Variants in SLC23A2 observed in about 807,000 individuals in gnomAD.
SLC23A2 encodes the protein solute carrier family 23 member 2.
SLC23A2 carries 36 observed loss-of-function variants against 73.3 expected under a neutral mutation model. The ratio of observed to expected loss-of-function variants is 0.49; its 90% CI spans 0.38 to 0.65. The LOEUF is 0.65. SLC23A2 is among the 30% of genes least tolerant of loss of function. The pLI is 0.00. For synonymous variants in SLC23A2, 343 were observed against 327.3 expected (o/e 1.05, Z -0.52); for missense variants, 507 against 841.6 (o/e 0.60, Z 4.92).
In SLC23A2 at chr20:4,857,132, A is replaced by T; in HGVS notation, c.1793T>A (p.Met598Lys). ...GCCAAATGGCAAATTGTACGACTCC[A>T]TGCCGTCGAGTGATTTGTTCCCTTT... Reference protein sequence around the residue: ...VGKGNKSLDGMESYNLPFGMN... With the variant: ...VGKGNKSLDGKESYNLPFGMN... The change falls in exon 17 of 17, where the codon ATG (methionine) becomes AAG (lysine). Residue 598 changes from methionine (M) to lysine (K), a missense_variant. Around this residue, in one of 5 missense-constraint regions of SLC23A2, gnomAD observed 168 missense variants for 302.3 expected, o/e 0.56. Coordinates refer to ENST00000338244, the MANE Select transcript of SLC23A2 (RefSeq NM_005116.6). This position sits in a 1 kb window ranked among gnomAD's most constrained non-coding sequence, Gnocchi z 4.0. The T allele has an allele frequency of 6.2e-7, 1 of 1,614,134 alleles. No individual in the cohort carries two copies. Among genetic ancestry groups the T allele is most frequent in the East Asian group, 2.2e-5 (1 of 44,876 alleles).
At chr20:4,881,592 T>C (rs1441998963) in intron 9 of SLC23A2, among the ~76,000 whole-genome samples, 1 of 152,232 alleles carries the variant, frequency 6.6e-6, no homozygotes, top group Non-Finnish European at 1.5e-5. Context: ...TACATTGGGT[T>C]TTGTTTCCCC....
Position 4,952,103 on chromosome 20 carries a change from C to CAAA in SLC23A2, c.-155+18687_-155+18689dup, listed in dbSNP as rs57832305. 6.4e-3 allele frequency among the ~76,000 whole-genome samples: 258 copies of CAAA among 40,372 alleles called. 6 individuals carry two copies. Among genetic ancestry groups the CAAA allele is most frequent in the Middle Eastern group, 0.023 (1 of 44 alleles). The allele number at this position is 40,372 out of a possible 152,430, so 26.5% of individuals were successfully genotyped here. Reference sequence around the variant, plus strand: ...TGGGCGACAGAGCAAGACTCTGACTCAAAAAAAAAAAAAAAAAAAAAAAAA... The same window carrying CAAA: ...TGGGCGACAGAGCAAGACTCTGACTCAAAAAAAAAAAAAAAAAAAAAAAAAAAA... On this transcript the variant is annotated intron_variant, in intron 2 of 16. Transcript: ENST00000338244.
At chr20:4,925,088 T>C (rs990688628) in intron 3 of SLC23A2, among the ~76,000 whole-genome samples, 1 of 150,234 alleles carries the variant, frequency 6.7e-6, no homozygotes, top group Admixed American at 6.7e-5. Flanking sequence ...GAGGCTGAGG[T>C]GGGAGGATGG....
At position 4,902,728 on chromosome 20, in the gene SLC23A2, T is replaced by C. The variant is rs1931796523; in HGVS notation, c.208-170A>G. ...AGCCAAGTATTCTCTTTGGCTCAAGTACAGTCGCCCACCGGGATGGTCAAT... is the reference window on the plus strand; with the variant it reads ...AGCCAAGTATTCTCTTTGGCTCAAGCACAGTCGCCCACCGGGATGGTCAAT... On this transcript the variant is annotated intron_variant, in intron 4 of 16. Transcript: ENST00000338244. This position sits in a 1 kb window ranked among gnomAD's most constrained non-coding sequence, Gnocchi z 4.0. Among the ~76,000 whole-genome samples, 1 of 152,044 alleles carries C rather than the reference T, an allele frequency of 6.6e-6. No individual in the cohort carries two copies. The highest frequency in any genetic ancestry group is 1.5e-5 in the Non-Finnish European group (1 of 67,998).
chr20:4,933,356 C>A (rs1932809787), intron 2 of SLC23A2, among the ~76,000 whole-genome samples: 1 of 151,954 alleles, frequency 6.6e-6, no homozygotes, highest in South Asian at 2.1e-4. Context: ...ATACTCCCAG[C>A]ACTTTGGGAA....
At chr20:4,910,699 GT>G (rs1932111446) in intron 4 of SLC23A2, among the ~76,000 whole-genome samples, 1 of 152,118 alleles carries the variant, frequency 6.6e-6, no homozygotes, top group African/African-American at 2.4e-5. Flanking sequence ...GCCTCCCAAA[GT>G]GCTGTGATTG....
intron 13 of SLC23A2, among the ~76,000 whole-genome samples, chr20:4,865,976 G>A (rs1930178582): frequency 6.6e-6 from 1 of 151,984 alleles, no homozygotes; most frequent in Admixed American, 6.6e-5. Flanking sequence ...GGGACTATGG[G>A]CACCAGCCAC....
rs1286530428 is a variant in SLC23A2, at chr20:4,998,100, C to T, written c.-282+3306G>A. On this transcript the variant is annotated intron_variant, in intron 1 of 16. Coordinates refer to ENST00000338244, the MANE Select transcript of SLC23A2 (RefSeq NM_005116.6). The surrounding 1 kb of genome is among the most constrained non-coding windows in gnomAD (Gnocchi z 4.1). ...CGTTGTTTAAGCCACCCACACTGTG[C>T]TATTTTTGTTATGGCAGTGTTAGCA... 6.6e-6 allele frequency among the ~76,000 whole-genome samples: 1 copy of T among 152,190 alleles called. No homozygotes were observed. Among genetic ancestry groups the T allele is most frequent in the African/African-American group, 2.4e-5 (1 of 41,458 alleles).
intron 3 of SLC23A2, among the ~76,000 whole-genome samples, chr20:4,930,736 T>C (rs1932779653): frequency 6.6e-6 from 1 of 151,930 alleles, no homozygotes; most frequent in South Asian, 2.1e-4. Flanking sequence ...GGAGAATCGC[T>C]TGAACTTGGG....
intron 2 of SLC23A2, among the ~76,000 whole-genome samples, chr20:4,957,890 G>A (rs1327800349): frequency 7.1e-6 from 1 of 140,282 alleles, no homozygotes; most frequent in Non-Finnish European, 1.5e-5. Flanking sequence ...AACAGAGTGA[G>A]ACTCCATCTC....
chr20:4,987,652 T>C (rs868609692), intron 1 of SLC23A2, among the ~76,000 whole-genome samples: 4 of 151,552 alleles, frequency 2.6e-5, no homozygotes, highest in African/African-American at 9.7e-5. Context: ...ATTGAGACCA[T>C]CCTGGCTAAC....
intron 3 of SLC23A2, among the ~76,000 whole-genome samples, chr20:4,924,948 G>A (rs901399568): frequency 6.6e-6 from 1 of 152,198 alleles, no homozygotes; most frequent in Non-Finnish European, 1.5e-5. Flanking sequence ...ACTTTGGGAG[G>A]CTGAGGCAGA....
intron 12 of SLC23A2, chr20:4,869,582 G>C (rs1930355491): frequency 3.8e-6 from 1 of 264,082 alleles, no homozygotes; most frequent in South Asian, 6.7e-5. Flanking sequence ...CAAAGAACAA[G>C]TGCAGTGCTT....
chr20:4,987,953 C>T (rs944859516), intron 1 of SLC23A2, among the ~76,000 whole-genome samples: 19 of 150,336 alleles, frequency 1.3e-4, no homozygotes, highest in African/African-American at 4.7e-4. Context: ...GAAAATAAAA[C>T]CTATGACAGT....
upstream of SLC23A2, among the ~76,000 whole-genome samples, chr20:5,002,445 C>T (rs568523475): frequency 4.0e-4 from 61 of 152,242 alleles, no homozygotes; most frequent in Admixed American, 5.2e-4. Context: ...ATCTTGAAAC[C>T]GTTGTCATGG....
chr20:4,908,669 C>T (rs1932039305), intron 4 of SLC23A2, among the ~76,000 whole-genome samples: 1 of 152,202 alleles, frequency 6.6e-6, no homozygotes, highest in Non-Finnish European at 1.5e-5. Flanking sequence ...TGGCTCATGC[C>T]TGTAATCCCA....
intron 1 of SLC23A2, among the ~76,000 whole-genome samples, chr20:5,007,544 C>CA (rs1161935006): frequency 6.6e-6 from 1 of 151,898 alleles, no homozygotes; most frequent in Non-Finnish European, 1.5e-5. Context: ...AACAAACAAA[C>CA]AAAAAAAGTA....
chr20:4,968,366 G>A (rs1050890866), intron 2 of SLC23A2, among the ~76,000 whole-genome samples: 4 of 152,208 alleles, frequency 2.6e-5, no homozygotes, highest in Non-Finnish European at 5.9e-5. Flanking sequence ...TCAGAGGACA[G>A]GGAGGCAAAG....
intron 2 of SLC23A2, among the ~76,000 whole-genome samples, chr20:4,951,074 C>A (rs1469908350): frequency 6.6e-6 from 1 of 152,126 alleles, no homozygotes. Flanking sequence ...GGTCAACACG[C>A]CTAGGGGAGC....
Sources: allele counts gnomAD v4.1 joint callset (sites outside exome capture counted in the v4.1 genomes callset), GRCh38; gene constraint gnomAD v4.1.1; regional missense constraint gnomAD v4.1.1; non-coding constraint Gnocchi (gnomAD v3.1); transcripts MANE v1.5; gene names NCBI Gene and HGNC (gene_info 2026-07-23, HGNC 2026-07-21).